The following FAT3 variants were observed in gnomAD, a reference collection of about 807,000 sequenced individuals.
FAT3 encodes the protein FAT atypical cadherin 3.
A neutral mutation model predicts 310.2 loss-of-function variants in FAT3; 95 were observed. The observed-to-expected ratio is 0.31, with a 90% CI of 0.26 to 0.36. The LOEUF is 0.36. FAT3 is among the 10% of genes least tolerant of loss of function. The probability of loss-of-function intolerance (pLI) is 1.00; values close to 1 mark genes in which losing one functional copy is unlikely to be tolerated. For missense variants in FAT3, 5,408 were observed against 5,715.6 expected (o/e 0.95, Z 1.74); for synonymous variants, 2,314 against 2,192.9 (o/e 1.06, Z -1.54).
intron 1 of FAT3, among the ~76,000 whole-genome samples, chr11:92,291,654 G>C (rs1179222638): frequency 1.3e-5 from 2 of 152,050 alleles, no homozygotes; most frequent in African/African-American, 2.4e-5. Flanking sequence ...TCCTAGGCCT[G>C]AGCCACAGAT....
chr11:92,806,473 T>G lies in FAT3; in HGVS notation c.9205T>G (p.Tyr3069Asp). Residue 3069 changes from tyrosine to aspartate, a missense_variant, in exon 12 of 28, where the codon TAT becomes GAT. This residue lies in a region of FAT3 where 4,588 missense variants were observed against 4,809.8 expected (regional missense o/e 0.95). Transcript: ENST00000525166. ...CAATGGATATATACGATACTCACTC[T>G]ATGGATCTGGAAACAGTGAATTTTT... ...GSNGYIRYSLYGSGNSEFFLD... is the reference protein window; with the variant it reads ...GSNGYIRYSLDGSGNSEFFLD... 6.4e-7 allele frequency: 1 copy of G among 1,568,720 alleles called. No individual in the cohort carries two copies. Among genetic ancestry groups the G allele is most frequent in the South Asian group, 1.2e-5 (1 of 85,476 alleles).
At chr11:92,787,441 A>G (rs1377416411) in intron 7 of FAT3, among the ~76,000 whole-genome samples, 2 of 151,914 alleles carry the variant, frequency 1.3e-5, no homozygotes, top group African/African-American at 4.8e-5. Context: ...GAAACAAATG[A>G]TGTTAGATGC....
rs756960059 is a variant in FAT3, at chr11:92,859,307, C to A, written c.11643C>A (p.Pro3881=). ...TTATAATGTACACCAGAGCAAATCC[C>A]TGCATAATTCTGAAGGTAATTAAAA... The part of the protein sequence containing the change: ...NGIIMYTRAN[P]CIILKIVDGK... Residue 3881 remains proline (P), a synonymous_variant, in exon 21 of 28, where the codon CCC becomes CCA. Coordinates refer to ENST00000525166, the MANE Select transcript of FAT3 (RefSeq NM_001367949.2). The A allele has an allele frequency of 2.5e-6, 4 of 1,599,890 alleles. No homozygotes were observed. The highest frequency in any genetic ancestry group is 3.4e-6 in the Non-Finnish European group (4 of 1,170,752).
chr11:92,621,022 C>T (rs1941061464), intron 3 of FAT3, among the ~76,000 whole-genome samples: 1 of 152,058 alleles, frequency 6.6e-6, no homozygotes, highest in Non-Finnish European at 1.5e-5. Flanking sequence ...TAATTACCTC[C>T]CAGAGGCCTC....
chr11:92,639,439 C>G (rs1941879600), intron 3 of FAT3, among the ~76,000 whole-genome samples: 1 of 152,144 alleles, frequency 6.6e-6, no homozygotes, highest in Non-Finnish European at 1.5e-5. Context: ...ACAAACAGCA[C>G]TGCAATGTGG....
At chr11:92,711,328 C>T (rs974515815) in intron 4 of FAT3, among the ~76,000 whole-genome samples, 1 of 152,038 alleles carries the variant, frequency 6.6e-6, no homozygotes, top group Non-Finnish European at 1.5e-5. Flanking sequence ...TGCATGGGAT[C>T]TCATTAAATA....
intron 3 of FAT3, among the ~76,000 whole-genome samples, chr11:92,647,395 C>T (rs1215455415): frequency 6.6e-6 from 1 of 152,062 alleles, no homozygotes; most frequent in Admixed American, 6.5e-5. Context: ...ATAAGATGAA[C>T]AAGGTGAATT....
At chr11:92,808,964 T>C (rs1947588681) in intron 12 of FAT3, among the ~76,000 whole-genome samples, 1 of 152,018 alleles carries the variant, frequency 6.6e-6, no homozygotes, top group Non-Finnish European at 1.5e-5. Context: ...TAAATGAATA[T>C]AGGTAGCTTC....
At chr11:92,436,729 G>A (rs1950948429) in intron 2 of FAT3, among the ~76,000 whole-genome samples, 1 of 152,124 alleles carries the variant, frequency 6.6e-6, no homozygotes, top group African/African-American at 2.4e-5. Context: ...CAGCTTTGGG[G>A]TCCATCTGTT....
At chr11:92,797,743 C>A in intron 9 of FAT3, 93 bp from the exon 10 acceptor site, 1 of 1,078,632 alleles carries the variant, frequency 9.3e-7, no homozygotes, top group Non-Finnish European at 1.4e-6. Context: ...CTACTTGCCA[C>A]ATTGCAGTAA....
intron 2 of FAT3, among the ~76,000 whole-genome samples, chr11:92,365,900 G>A (rs1416002355): frequency 1.3e-5 from 2 of 152,282 alleles, no homozygotes; most frequent in Admixed American, 6.5e-5. Flanking sequence ...CCCCAGAAAG[G>A]TTAGTGTTTT....
At chr11:92,383,744 A>G (rs765931687) in intron 2 of FAT3, among the ~76,000 whole-genome samples, 11 of 152,182 alleles carry the variant, frequency 7.2e-5, no homozygotes, top group African/African-American at 2.7e-4. Context: ...GATTTTGTCA[A>G]ATGCCTTGCT....
At chr11:92,773,978 A>G (rs1022552714) in intron 6 of FAT3, 63 bp from the exon 7 acceptor site, 3 of 1,576,510 alleles carry the variant, frequency 1.9e-6, no homozygotes, top group Admixed American at 3.7e-5. Context: ...TTAAAGATAT[A>G]TGATATAATG....
At chr11:92,662,224 C>T (rs1007619506) in intron 3 of FAT3, among the ~76,000 whole-genome samples, 3 of 152,134 alleles carry the variant, frequency 2.0e-5, no homozygotes, top group Non-Finnish European at 4.4e-5. Flanking sequence ...ATGCCAGGAG[C>T]CATTATCAGG....
chr11:92,472,798 C>T lies in FAT3; in HGVS notation c.3293-51836C>T, dbSNP rs116058841. Among the ~76,000 whole-genome samples, 627 of 152,262 alleles carry T rather than the reference C, an allele frequency of 4.1e-3. 4 individuals carry two copies. Among genetic ancestry groups the T allele is most frequent in the African/African-American group, 0.014 (601 of 41,558 alleles). ...CTTTATCCAGCTTATTAGTATCCTG[C>T]GATTAAACCCTTCTGGAGACAGTAG... On this transcript the variant is annotated intron_variant, in intron 2 of 27. Coordinates refer to ENST00000525166, the MANE Select transcript of FAT3 (RefSeq NM_001367949.2).
At chr11:92,293,544 ATATATATAAAT>A (rs1565206789) in intron 1 of FAT3, among the ~76,000 whole-genome samples, 97 of 20,302 alleles carry the variant, frequency 4.8e-3, no homozygotes, top group Admixed American at 0.023. Flanking sequence ...ATATATATAT[ATATATATAAAT>A]AAAATATATT....
At position 92,637,519 on chromosome 11, in the gene FAT3, T is replaced by G. The variant is rs982149455; in HGVS notation, c.3608-59865T>G. On this transcript the variant is annotated intron_variant, in intron 3 of 27. Coordinates refer to ENST00000525166, the MANE Select transcript of FAT3 (RefSeq NM_001367949.2). ...AATCATTCCAAAGAATGGCAATAAC[T>G]GCAGAATCTCTCTGTCATTAATGGC... Among the ~76,000 whole-genome samples, 15 of 152,358 alleles carry G rather than the reference T, an allele frequency of 9.8e-5. No individual in the cohort carries two copies. In the East Asian group the frequency reaches 2.7e-3, roughly 27 times the overall value.
chr11:92,887,176 G>T (rs1949814974), intron 25 of FAT3, 63 bp downstream of exon 25: 1 of 1,407,036 alleles, frequency 7.1e-7, no homozygotes, highest in Non-Finnish European at 9.9e-7. Flanking sequence ...GAAGACCATG[G>T]TTGGGAGGAG....
At chr11:92,524,603 G>A (rs1163656025) in intron 2 of FAT3, 31 bp from the exon 3 acceptor site, 1 of 1,591,434 alleles carries the variant, frequency 6.3e-7, no homozygotes, top group Non-Finnish European at 8.6e-7. Flanking sequence ...CCCTTTCTCT[G>A]TGACAGTAAC....
Sources: allele counts gnomAD v4.1 joint callset (sites outside exome capture counted in the v4.1 genomes callset), GRCh38; gene constraint gnomAD v4.1.1; regional missense constraint gnomAD v4.1.1; transcripts MANE v1.5; gene names NCBI Gene and HGNC (gene_info 2026-07-23, HGNC 2026-07-21).